DLGAP3: variants seen among roughly 807,000 people sequenced by gnomAD.
The protein encoded by DLGAP3 is DLG associated protein 3.
DLGAP3 carries 17 observed loss-of-function variants against 81.2 expected under a neutral mutation model. The ratio of observed to expected loss-of-function variants is 0.21; its 90% CI spans 0.14 to 0.31. The LOEUF is 0.31. Among genes scored for constraint, DLGAP3 ranks in the 10% least tolerant of loss-of-function variants. DLGAP3 has a pLI of 1.00. For missense variants in DLGAP3, 1,124 were observed against 1,388.0 expected (o/e 0.81, Z 3.02); for synonymous variants, 577 against 587.4 (o/e 0.98, Z 0.26).
At chr1:34,883,321 G>A (rs891278454) in intron 8 of DLGAP3, among the ~76,000 whole-genome samples, 1 of 152,216 alleles carries the variant, frequency 6.6e-6, no homozygotes, top group African/African-American at 2.4e-5. Context: ...TCAATGACAA[G>A]AGTTTGCTGA....
chr1:34,920,761 A>G (rs757879116), intron 1 of DLGAP3, among the ~76,000 whole-genome samples: 1 of 152,216 alleles, frequency 6.6e-6, no homozygotes, highest in Non-Finnish European at 1.5e-5. Flanking sequence ...GCCTACTCCA[A>G]GCTGAATACT....
chr1:34,919,449 A>G (rs1220433331), intron 1 of DLGAP3, among the ~76,000 whole-genome samples: 1 of 152,148 alleles, frequency 6.6e-6, no homozygotes, highest in Admixed American at 6.5e-5. Context: ...TCATTTTGCA[A>G]CACAAGCTCA....
At position 34,867,450 on chromosome 1, in the gene DLGAP3, T is replaced by C. The variant is rs1487255185; in HGVS notation, c.2577+86A>G. The C allele has an allele frequency of 1.1e-5, 14 of 1,261,480 alleles. No individual in the cohort carries two copies. Among genetic ancestry groups the C allele is most frequent in the Non-Finnish European group, 1.6e-5 (14 of 859,080 alleles). 78.1% of individuals were successfully genotyped at this position (1,261,480 alleles called of 1,614,324 possible). ...GGTCTCACCTCTGGTACACACTCAC[T>C]CTGGGTCACCTGCCTGTCTCACCTC... On this transcript the variant is annotated intron_variant, in intron 10 of 11. Transcript: ENST00000373347. The surrounding 1 kb of genome is among the most constrained non-coding windows in gnomAD (Gnocchi z 4.3).
At chr1:34,924,839 A>T (rs1639845149) in intron 1 of DLGAP3, among the ~76,000 whole-genome samples, 1 of 152,170 alleles carries the variant, frequency 6.6e-6, no homozygotes, top group African/African-American at 2.4e-5. Flanking sequence ...TGTGAAACCT[A>T]AACCATAGGG....
intron 1 of DLGAP3, among the ~76,000 whole-genome samples, chr1:34,926,109 C>T (rs896238408): frequency 7.2e-5 from 11 of 152,158 alleles, no homozygotes; most frequent in Middle Eastern, 3.2e-3. Context: ...TAACAGCCCA[C>T]GCAATCATAT....
intron 5 of DLGAP3, 62 bp from the exon 6 acceptor site, chr1:34,886,347 G>T: frequency 4.1e-6 from 6 of 1,466,234 alleles, no homozygotes; most frequent in Non-Finnish European, 5.5e-6. Flanking sequence ...AAGTCCCTGG[G>T]GTGCTCTGCC....
intron 5 of DLGAP3, among the ~76,000 whole-genome samples, chr1:34,891,420 G>C (rs1459592556): frequency 6.6e-6 from 1 of 152,160 alleles, no homozygotes; most frequent in Non-Finnish European, 1.5e-5. Flanking sequence ...CCAAACAATG[G>C]ACTGGCAAAC....
chr1:34,897,156 A>G (rs1378804146), intron 5 of DLGAP3, among the ~76,000 whole-genome samples: 3 of 152,234 alleles, frequency 2.0e-5, no homozygotes, highest in Non-Finnish European at 4.4e-5. Context: ...ATGAGACATA[A>G]TAGGGTGACA....
intron 1 of DLGAP3, among the ~76,000 whole-genome samples, chr1:34,909,839 A>C (rs1213276127): frequency 6.6e-6 from 1 of 152,178 alleles, no homozygotes; most frequent in African/African-American, 2.4e-5. Flanking sequence ...AAGAAAAAAA[A>C]ACAGATGTGC....
chr1:34,923,543 G>C (rs1165896262), intron 1 of DLGAP3, among the ~76,000 whole-genome samples: 1 of 152,098 alleles, frequency 6.6e-6, no homozygotes, highest in Non-Finnish European at 1.5e-5. Flanking sequence ...GGGAAAAGGG[G>C]GTGGACATCT....
intron 1 of DLGAP3, among the ~76,000 whole-genome samples, chr1:34,928,843 T>C (rs549496259): frequency 1.2e-4 from 18 of 150,262 alleles, no homozygotes; most frequent in Admixed American, 5.3e-4. Context: ...CAGGCACACA[T>C]GGGGACAACA....
intron 8 of DLGAP3, among the ~76,000 whole-genome samples, chr1:34,875,535 G>A (rs983125828): frequency 1.3e-5 from 2 of 151,870 alleles, no homozygotes; most frequent in South Asian, 2.1e-4. Flanking sequence ...TTTTGTTTTT[G>A]CTAAATTTAC....
rs755859473 is a variant in DLGAP3, at chr1:34,905,352, T to C, written c.32A>G (p.His11Arg). 46 of 1,556,044 alleles carry C rather than the reference T, an allele frequency of 3.0e-5. No homozygotes were observed. The highest frequency in any genetic ancestry group is 8.7e-7 in the Non-Finnish European group (1 of 1,149,812). ...GTCAGCAAAGCGGGCTGGGCGGGGA[T>C]GGCTGCCTCGGTCGCCATGGTAACC... MRGYHGDRGS[H>R]PRPARFADQQ... The change falls in exon 3 of 12, where the codon CAT (histidine) becomes CGT (arginine). Residue 11 changes from histidine (H) to arginine (R), a missense_variant. This residue lies in a region of DLGAP3 where 167 missense variants were observed against 172.1 expected (regional missense o/e 0.97). Coordinates refer to ENST00000373347, the MANE Select transcript of DLGAP3 (RefSeq NM_001080418.3).
intron 8 of DLGAP3, among the ~76,000 whole-genome samples, chr1:34,884,081 G>A (rs1212032032): frequency 6.6e-6 from 1 of 152,034 alleles, no homozygotes; most frequent in Non-Finnish European, 1.5e-5. Flanking sequence ...ACCATGCTCA[G>A]CTAATTTTTG....
chr1:34,897,111 C>T (rs1056289030), intron 5 of DLGAP3, among the ~76,000 whole-genome samples: 19 of 149,550 alleles, frequency 1.3e-4, no homozygotes, highest in Non-Finnish European at 2.1e-4. Flanking sequence ...AAATACTAAA[C>T]GAAAAAAAAA....
chr1:34,904,942 C>A lies in DLGAP3; in HGVS notation c.442G>T (p.Ala148Ser), dbSNP rs1396142787. The A allele has an allele frequency of 1.9e-6, 3 of 1,612,726 alleles. No individual in the cohort carries two copies. The South Asian group carries it at 3.3e-5, about 18-fold the overall frequency. The change falls in exon 3 of 12, where the codon GCA becomes TCA. Residue 148 changes from alanine to serine, a missense_variant. Ala to Ser is a moderately conservative substitution (Grantham distance 99). Transcript: ENST00000373347. This position sits in a 1 kb window ranked among gnomAD's most constrained non-coding sequence, Gnocchi z 8.1. Reference sequence around the variant, plus strand: ...GTCCCTGGCGCTGGCCCGGGCCCTGCCCCTGCTGGCCCTCGCTGGTATGGT... The same window carrying A: ...GTCCCTGGCGCTGGCCCGGGCCCTGACCCTGCTGGCCCTCGCTGGTATGGT... ...TLPYQRGPAG[A>S]GPGPAPGTGT...
At chr1:34,915,429 G>T (rs1639702024) in intron 1 of DLGAP3, among the ~76,000 whole-genome samples, 1 of 152,154 alleles carries the variant, frequency 6.6e-6, no homozygotes, top group Admixed American at 6.5e-5. Context: ...CCATGGCAGG[G>T]GTCCACTGGG....
chr1:34,907,225 A>G (rs1174658610), intron 2 of DLGAP3, 130 bp downstream of exon 2: 1 of 152,596 alleles, frequency 6.6e-6, no homozygotes, highest in African/African-American at 2.4e-5. Context: ...CCATGAGAAA[A>G]TTGAGCTCAA....
Position 34,886,831 on chromosome 1 carries a change from C to T in DLGAP3, c.1387-546G>A, listed in dbSNP as rs1324104398. Among the ~76,000 whole-genome samples the T allele has an allele frequency of 4.7e-5, 7 of 148,636 alleles. No homozygotes were observed. In the Admixed American group the frequency reaches 4.7e-4, roughly 10 times the overall value. Reference sequence around the variant, plus strand: ...ACATATATACTATATATATACACTACATGTATATATGCTATATATATATAA... The same window carrying T: ...ACATATATACTATATATATACACTATATGTATATATGCTATATATATATAA... On this transcript the variant is annotated intron_variant, in intron 5 of 11. Transcript: ENST00000373347.
Sources: allele counts gnomAD v4.1 joint callset (sites outside exome capture counted in the v4.1 genomes callset), GRCh38; gene constraint gnomAD v4.1.1; regional missense constraint gnomAD v4.1.1; non-coding constraint Gnocchi (gnomAD v3.1); transcripts MANE v1.5; gene names NCBI Gene and HGNC (gene_info 2026-07-23, HGNC 2026-07-21).